The following PLD1 variants were observed in gnomAD, a reference collection of about 807,000 sequenced individuals.
PLD1 encodes the protein choline phosphatase 1.
A neutral mutation model predicts 137.1 loss-of-function variants in PLD1; 112 were observed. That is an observed-to-expected ratio of 0.82 (90% CI 0.70 to 0.96). The LOEUF (loss-of-function observed/expected upper bound fraction) is 0.96, where lower values mean the gene tolerates loss of function less well. PLD1 is among the 40% of genes least tolerant of loss of function. The pLI, the probability that PLD1 is intolerant of heterozygous loss-of-function variation, is 0.00. For missense variants in PLD1, 1,321 were observed against 1,342.0 expected (o/e 0.98, Z 0.24); for synonymous variants, 431 against 454.7 (o/e 0.95, Z 0.66).
At chr3:171,780,374 C>G (rs1722751697) in intron 1 of PLD1, among the ~76,000 whole-genome samples, 1 of 152,176 alleles carries the variant, frequency 6.6e-6, no homozygotes. Context: ...GTCTGAGATT[C>G]AGGACTTGGA....
At chr3:171,746,876 C>T (rs939978895) in intron 1 of PLD1, among the ~76,000 whole-genome samples, 2 of 152,194 alleles carry the variant, frequency 1.3e-5, no homozygotes, top group Admixed American at 6.5e-5. Flanking sequence ...GGGCCCCCTT[C>T]AATACGGTGG....
chr3:171,731,309 ATG>A (rs113168805), intron 6 of PLD1, among the ~76,000 whole-genome samples: 1 of 152,248 alleles, frequency 6.6e-6, no homozygotes, highest in Admixed American at 6.5e-5. Context: ...TGAAGAAAAC[ATG>A]TAAATTCCAA....
chr3:171,765,411 T>TA (rs1312826380), intron 1 of PLD1: 1 of 152,088 alleles, frequency 6.6e-6, no homozygotes, highest in Non-Finnish European at 1.5e-5. Flanking sequence ...TAGGTCTTCC[T>TA]AGGAAGCAGT....
At chr3:171,667,843 C>T (rs1454959254) in intron 19 of PLD1, among the ~76,000 whole-genome samples, 1 of 152,190 alleles carries the variant, frequency 6.6e-6, no homozygotes, top group African/African-American at 2.4e-5. Context: ...CTTCTGCCTC[C>T]CGGGTTCAAG....
chr3:171,630,792 C>T (rs1469487947), intron 23 of PLD1, among the ~76,000 whole-genome samples: 1 of 144,196 alleles, frequency 6.9e-6, no homozygotes, highest in Non-Finnish European at 1.5e-5. Flanking sequence ...CATATTCTCA[C>T]TCATAGGTGG....
chr3:171,676,794 T>C lies in PLD1; in HGVS notation c.2036A>G (p.His679Arg). 6.2e-7 allele frequency: 1 copy of C among 1,614,218 alleles called. No individual in the cohort carries two copies. Among genetic ancestry groups the C allele is most frequent in the South Asian group, 1.1e-5 (1 of 91,090 alleles). ...DRYSTPRMPW[H>R]DIASAVHGKA... ...CCCGTGGACTGCAGAGGCAATGTCA[T>C]GCCAGGGCATCCGGGGCGTGGAGTA... Residue 679 changes from histidine (H) to arginine (R), a missense_variant, in exon 18 of 27, where the codon CAT (histidine) becomes CGT (arginine). His to Arg is a conservative substitution (Grantham distance 29). Transcript: ENST00000351298.
intron 1 of PLD1, among the ~76,000 whole-genome samples, chr3:171,804,614 T>C (rs1723774371): frequency 6.6e-6 from 1 of 152,218 alleles, no homozygotes. Context: ...GTGATTCTAA[T>C]ATCACACTAC....
intron 21 of PLD1, among the ~76,000 whole-genome samples, chr3:171,650,866 T>A (rs780669222): frequency 6.6e-6 from 1 of 151,634 alleles, no homozygotes; most frequent in Non-Finnish European, 1.5e-5. Flanking sequence ...GGCACTGCAC[T>A]CCAGCAGCCC....
At chr3:171,645,923 G>C (rs1736172697) in intron 21 of PLD1, among the ~76,000 whole-genome samples, 2 of 149,126 alleles carry the variant, frequency 1.3e-5, no homozygotes, top group African/African-American at 4.9e-5. Context: ...TGAGTGGCCA[G>C]TATGTATATT....
At chr3:171,661,329 A>G (rs1313510280) in intron 20 of PLD1, among the ~76,000 whole-genome samples, 1 of 152,186 alleles carries the variant, frequency 6.6e-6, no homozygotes, top group Non-Finnish European at 1.5e-5. Context: ...AAAAAATTCA[A>G]TGGGAAAGAA....
chr3:171,688,984 C>A (rs1050524021), intron 13 of PLD1, 108 bp from the exon 14 acceptor site: 1 of 754,688 alleles, frequency 1.3e-6, no homozygotes, highest in South Asian at 1.5e-5. Context: ...AATTCAAATA[C>A]CAAACTGTAC....
chr3:171,685,918 A>T (rs1156995719), intron 16 of PLD1, among the ~76,000 whole-genome samples: 1 of 152,136 alleles, frequency 6.6e-6, no homozygotes, highest in Non-Finnish European at 1.5e-5. Flanking sequence ...CAGGGGTTCA[A>T]CACAAGCCTG....
At chr3:171,645,839 G>A (rs560301536) in intron 21 of PLD1, among the ~76,000 whole-genome samples, 7 of 142,392 alleles carry the variant, frequency 4.9e-5, no homozygotes, top group South Asian at 4.4e-4. Flanking sequence ...AGCAGAGATC[G>A]CGCTACTGCA....
At chr3:171,741,287 T>C (rs113624602) in intron 1 of PLD1, among the ~76,000 whole-genome samples, 3 of 152,356 alleles carry the variant, frequency 2.0e-5, no homozygotes, top group African/African-American at 4.8e-5. Context: ...AAAGAAGTGA[T>C]TTGTCTATCT....
intron 23 of PLD1, among the ~76,000 whole-genome samples, chr3:171,633,585 T>C (rs926669221): frequency 5.3e-5 from 8 of 152,056 alleles, no homozygotes; most frequent in Non-Finnish European, 8.8e-5. Flanking sequence ...TGTATACCTA[T>C]GTAACAAAAC....
intron 21 of PLD1, among the ~76,000 whole-genome samples, chr3:171,645,607 G>A (rs1338750613): frequency 1.3e-5 from 2 of 151,606 alleles, no homozygotes; most frequent in African/African-American, 4.8e-5. Flanking sequence ...GTGGCCGGCC[G>A]GGCGTGGTGG....
chr3:171,630,101 C>T (rs1355047477), intron 23 of PLD1, among the ~76,000 whole-genome samples: 81 of 151,438 alleles, frequency 5.3e-4, no homozygotes, highest in African/African-American at 1.8e-3. Flanking sequence ...AGAAAATTTT[C>T]GCAACCTACT....
chr3:171,656,441 G>A (rs1222742747), intron 21 of PLD1, among the ~76,000 whole-genome samples: 1 of 152,216 alleles, frequency 6.6e-6, no homozygotes, highest in East Asian at 1.9e-4. Flanking sequence ...AAAGTGCTGG[G>A]ATTACAGGCG....
intron 21 of PLD1, among the ~76,000 whole-genome samples, chr3:171,656,290 C>T (rs1160798930): frequency 6.6e-6 from 1 of 152,022 alleles, no homozygotes; most frequent in Non-Finnish European, 1.5e-5. Flanking sequence ...CCTACCGCAG[C>T]CACCTGAACA....
Sources: allele counts gnomAD v4.1 joint callset (sites outside exome capture counted in the v4.1 genomes callset), GRCh38; gene constraint gnomAD v4.1.1; transcripts MANE v1.5; gene names NCBI Gene and HGNC (gene_info 2026-07-23, HGNC 2026-07-21).